SIGLEC5: variants seen among roughly 807,000 people sequenced by gnomAD.
SIGLEC5 encodes sialic acid binding Ig like lectin 5.
In SIGLEC5, 34 loss-of-function variants were observed where a neutral mutation model predicts 45.9. The ratio of observed to expected loss-of-function variants is 0.74; its 90% confidence interval spans 0.56 to 0.99. The LOEUF (loss-of-function observed/expected upper bound fraction) is 0.99. Among genes scored for constraint, SIGLEC5 ranks in the 50% least tolerant of loss-of-function variants. The pLI, the probability that SIGLEC5 is intolerant of heterozygous loss-of-function variation, is 0.00. For missense variants in SIGLEC5, 508 were observed against 629.6 expected (o/e 0.81, Z 2.07); for synonymous variants, 203 against 258.6 (o/e 0.79, Z 2.06).
intron 8 of SIGLEC5, among the ~76,000 whole-genome samples, chr19:51,622,474 A>T (rs1983329534): frequency 2.0e-5 from 3 of 151,896 alleles, no homozygotes. Flanking sequence ...GTGAAAAAAA[A>T]AAAGGACCAA....
At chr19:51,621,790 A>C (rs908884949) in intron 8 of SIGLEC5, 2 of 152,182 alleles carry the variant, frequency 1.3e-5, no homozygotes, top group Non-Finnish European at 2.9e-5. Flanking sequence ...TACAAAAAAA[A>C]ACCCTCTTAT....
chr19:51,614,978 A>C (rs923202658), intron 8 of SIGLEC5, among the ~76,000 whole-genome samples: 1 of 151,950 alleles, frequency 6.6e-6, no homozygotes, highest in African/African-American at 2.4e-5. Context: ...AAAAACAGAG[A>C]GGTTCATTAG....
intron 3 of SIGLEC5, 89 bp downstream of exon 3, chr19:51,629,269 C>T: frequency 7.3e-7 from 1 of 1,366,656 alleles, no homozygotes; most frequent in Non-Finnish European, 9.9e-7. Flanking sequence ...CTCTGTCTTC[C>T]TTACACACAC....
At chr19:51,620,275 A>G (rs1442189449) in intron 8 of SIGLEC5, among the ~76,000 whole-genome samples, 1 of 152,134 alleles carries the variant, frequency 6.6e-6, no homozygotes, top group African/African-American at 2.4e-5. Flanking sequence ...CTAGTCCCCA[A>G]TTTCTCAATC....
At chr19:51,628,150 T>C in intron 4 of SIGLEC5, 59 bp from the exon 5 acceptor site, 2 of 1,458,550 alleles carry the variant, frequency 1.4e-6, no homozygotes, top group Non-Finnish European at 9.1e-7. Context: ...ACAGTCCCTA[T>C]CCTTCCCTCC....
At chr19:51,618,436 C>A (rs1313177858) in intron 8 of SIGLEC5, among the ~76,000 whole-genome samples, 3 of 102,706 alleles carry the variant, frequency 2.9e-5, no homozygotes, top group Non-Finnish European at 6.4e-5. Context: ...GTGAGTGAGA[C>A]CCTGCCTAAA....
At chr19:51,628,760 GTA>G (rs1255732492) in intron 4 of SIGLEC5, among the ~76,000 whole-genome samples, 11 of 141,394 alleles carry the variant, frequency 7.8e-5, no homozygotes, top group East Asian at 5.9e-4. Flanking sequence ...ATGTGTGTGT[GTA>G]TGTGCGTGTG....
chr19:51,625,691 A>G (rs1326409981), intron 8 of SIGLEC5, among the ~76,000 whole-genome samples: 1 of 151,968 alleles, frequency 6.6e-6, no homozygotes, highest in Non-Finnish European at 1.5e-5. Context: ...TTAGCCGGGC[A>G]TGGTGGTGTG....
At position 51,627,864 on chromosome 19, in the gene SIGLEC5, G is replaced by A. The variant is rs763221746; in HGVS notation, c.967C>T (p.Leu323=). Residue 323 remains leucine (L), a synonymous_variant, in exon 5 of 9, where the codon CTG becomes TTG. Transcript: ENST00000683636. ...ACTGAGAGATTCAGAAAAATTTGCA[G>A]GAAGCCCAGCGGGTGCTGAGCGCGG... is the stretch of plus-strand genomic sequence containing the variant. The part of the protein sequence containing the change: ...TCRAQHPLGF[L]QIFLNLSVYS... 1.8e-5 allele frequency: 29 copies of A among 1,608,386 alleles called. No homozygotes were observed. The highest frequency in any genetic ancestry group is 8.5e-5 in the Admixed American group (5 of 58,910).
chr19:51,628,928 C>G, intron 4 of SIGLEC5, 110 bp downstream of exon 4: 1 of 1,108,220 alleles, frequency 9.0e-7, no homozygotes, highest in South Asian at 1.4e-5. Flanking sequence ...GGCAGTAATT[C>G]TCATTCTTGC....
intron 4 of SIGLEC5, 29 bp from the exon 5 acceptor site, chr19:51,628,120 A>C (rs772546619): frequency 1.3e-6 from 2 of 1,499,364 alleles, no homozygotes; most frequent in Non-Finnish European, 1.8e-6. Flanking sequence ...GGGGAAAGAG[A>C]GATGGGGCCA....
chr19:51,627,576 G>A lies in SIGLEC5; in HGVS notation c.1168C>T (p.Pro390Ser). The stretch of plus-strand genomic sequence containing the variant: ...AGGATCAGGGAGCTGTTGGCCCAGG[G>A]CCCAGCTGAGCTGGAGTTGACCTTG... ...SFKVNSSSAG[P>S]WANSSLILHG... Residue 390 changes from proline (P) to serine (S), a missense_variant, in exon 6 of 9, where the codon CCC becomes TCC. Transcript: ENST00000683636. The A allele has an allele frequency of 1.9e-6, 3 of 1,614,022 alleles. No individual in the cohort carries two copies. The South Asian group carries it at 3.3e-5, about 18-fold the overall frequency.
rs762752679 is a variant in SIGLEC5 at position 51,612,262 on chromosome 19, G to T, written c.1625C>A (p.Thr542Lys). 1.2e-6 allele frequency: 2 copies of T among 1,609,906 alleles called. No individual in the cohort carries two copies. Among genetic ancestry groups the T allele is most frequent in the African/African-American group, 2.7e-5 (2 of 74,860 alleles). ...EPKDQEAPSTTEYSEIKTSK is the reference protein window; with the variant it reads ...EPKDQEAPSTKEYSEIKTSK ...GCTTGTCTTGATCTCCGAGTACTCC[G>T]TGGTGCTTGGGGCCTCCTGGTCCTT... The change falls in exon 9 of 9, where the codon ACG (threonine) becomes AAG (lysine). Residue 542 changes from threonine to lysine, a missense_variant. Around this residue, in one of 2 missense-constraint regions of SIGLEC5, gnomAD observed 431 missense variants for 428.8 expected, o/e 1.01. Transcript: ENST00000683636.
intron 8 of SIGLEC5, among the ~76,000 whole-genome samples, chr19:51,613,470 G>A (rs1982933444): frequency 1.3e-5 from 2 of 152,172 alleles, no homozygotes; most frequent in Admixed American, 6.5e-5. Context: ...GGCTGCCTAG[G>A]TCAGGGTCTA....
At chr19:51,626,224 G>A (rs561284524) in intron 7 of SIGLEC5, 111 bp from the exon 8 acceptor site, 40 of 809,586 alleles carry the variant, frequency 4.9e-5, no homozygotes, top group Admixed American at 3.8e-4. Flanking sequence ...TCCAGGCCCC[G>A]GAACTAAACT....
At chr19:51,620,058 A>AATATATAT (rs146205373) in intron 8 of SIGLEC5, among the ~76,000 whole-genome samples, 12,326 of 148,938 alleles carry the variant, frequency 0.083, 629 homozygotes, top group South Asian at 0.11. Flanking sequence ...CTTTTGTCAA[A>AATATATAT]ATATATATAT....
chr19:51,627,753 G>T lies in SIGLEC5; in HGVS notation c.998-7C>A, dbSNP rs765801655. The T allele has an allele frequency of 1.3e-6, 2 of 1,577,522 alleles. No homozygotes were observed. The highest frequency in any genetic ancestry group is 1.7e-6 in the Non-Finnish European group (2 of 1,159,908). On this transcript the variant is annotated splice_region_variant and splice_polypyrimidine_tract_variant and intron_variant, in intron 5 of 8. Transcript: ENST00000683636. The stretch of plus-strand genomic sequence containing the variant: ...CCCAGCAACTGTGGGAGGGCTGTGG[G>T]GAGGGAGGACAGAACTCAGCAGGGG...
chr19:51,626,168 G>A (rs2122633630), intron 7 of SIGLEC5, 55 bp from the exon 8 acceptor site: 1 of 1,423,684 alleles, frequency 7.0e-7, no homozygotes, highest in Non-Finnish European at 9.9e-7. Context: ...CGGGTTAGCG[G>A]GTTGTCCCAT....
intron 6 of SIGLEC5, 95 bp from the exon 7 acceptor site, chr19:51,627,343 C>T: frequency 6.5e-7 from 1 of 1,536,938 alleles, no homozygotes. Flanking sequence ...CCTGCTCAGA[C>T]AGGAGATGAA....
Sources: allele counts gnomAD v4.1 joint callset (sites outside exome capture counted in the v4.1 genomes callset), GRCh38; gene constraint gnomAD v4.1.1; regional missense constraint gnomAD v4.1.1; transcripts MANE v1.5; gene names NCBI Gene and HGNC (gene_info 2026-07-23, HGNC 2026-07-21).